The following RHOJ variants were observed in gnomAD, a reference collection of about 807,000 sequenced individuals.
The protein encoded by RHOJ is rho-related GTP-binding protein RhoJ.
In RHOJ, 11 loss-of-function variants were observed where a neutral mutation model predicts 23.4. The observed-to-expected ratio is 0.47, with a 90% CI of 0.30 to 0.78. The LOEUF is 0.78. RHOJ is among the 30% of genes least tolerant of loss of function. RHOJ has a pLI of 0.08. For missense variants in RHOJ, 254 were observed against 273.4 expected (o/e 0.93, Z 0.50); for synonymous variants, 102 against 102.7 (o/e 0.99, Z 0.04).
chr14:63,282,288 A>G (rs144859374), intron 3 of RHOJ, among the ~76,000 whole-genome samples: 7 of 87,096 alleles, frequency 8.0e-5, no homozygotes, highest in African/African-American at 2.3e-4. Flanking sequence ...AAACACATGC[A>G]CACACACACA....
intron 1 of RHOJ, among the ~76,000 whole-genome samples, chr14:63,245,873 G>T (rs1894968121): frequency 6.6e-6 from 1 of 152,178 alleles, no homozygotes; most frequent in Admixed American, 6.5e-5. Context: ...AGAAGGGGGT[G>T]ATTAGAGCCC....
intron 1 of RHOJ, among the ~76,000 whole-genome samples, chr14:63,263,076 C>G (rs952915455): frequency 2.0e-5 from 3 of 152,132 alleles, no homozygotes. Flanking sequence ...GGCATTTTCT[C>G]GTTTAATTTC....
In RHOJ at chr14:63,238,065, G is replaced by A. The variant is rs187943875; in HGVS notation, c.179-31045G>A. Among the ~76,000 whole-genome samples the A allele has an allele frequency of 7.9e-5, 12 of 152,326 alleles. No individual in the cohort carries two copies. In the East Asian group the frequency reaches 2.1e-3, roughly 27 times the overall value. The stretch of plus-strand genomic sequence containing the variant: ...CCCTTGGCCTTGATTTCCACCAGCA[G>A]TAGATCACGGCTTAACATGGCAAAT... On this transcript the variant is annotated intron_variant, in intron 1 of 4. Coordinates refer to ENST00000316754, the MANE Select transcript of RHOJ (RefSeq NM_020663.5).
At chr14:63,212,026 C>G (rs1894248527) in intron 1 of RHOJ, among the ~76,000 whole-genome samples, 1 of 152,194 alleles carries the variant, frequency 6.6e-6, no homozygotes, top group African/African-American at 2.4e-5. Context: ...AGCAGGTATT[C>G]AAGTCAGTAG....
intron 3 of RHOJ, 151 bp from the exon 4 acceptor site, chr14:63,282,970 A>G (rs1881957630): frequency 1.6e-6 from 1 of 611,620 alleles, no homozygotes; most frequent in South Asian, 2.1e-5. Flanking sequence ...ACTTTTTTAG[A>G]CATAACATGG....
At chr14:63,219,317 T>C (rs1010310270) in intron 1 of RHOJ, among the ~76,000 whole-genome samples, 2 of 152,194 alleles carry the variant, frequency 1.3e-5, no homozygotes, top group Admixed American at 1.3e-4. Context: ...ATTTTTCGAC[T>C]TCTTTGAAAA....
intron 1 of RHOJ, among the ~76,000 whole-genome samples, chr14:63,240,793 T>A (rs554569991): frequency 1.1e-4 from 17 of 152,226 alleles, no homozygotes; most frequent in Admixed American, 2.0e-4. Flanking sequence ...ATTTTCCCCA[T>A]GAAATTAGGT....
At chr14:63,205,071 T>C (rs767625746) in intron 1 of RHOJ, 24 bp downstream of exon 1, 1 of 1,604,068 alleles carries the variant, frequency 6.2e-7, no homozygotes, top group South Asian at 1.1e-5. Context: ...GGAAACTCTC[T>C]GCATCCAGAC....
chr14:63,260,270 T>C (rs1275025704), intron 1 of RHOJ, among the ~76,000 whole-genome samples: 1 of 152,232 alleles, frequency 6.6e-6, no homozygotes, highest in Non-Finnish European at 1.5e-5. Flanking sequence ...TGGTTCATCA[T>C]AGTTTTCTGA....
At chr14:63,251,520 G>A (rs1195037330) in intron 1 of RHOJ, among the ~76,000 whole-genome samples, 2 of 152,156 alleles carry the variant, frequency 1.3e-5, no homozygotes, top group Admixed American at 6.5e-5. Flanking sequence ...GCTTCAACAA[G>A]CTCTCTGCAG....
chr14:63,250,965 G>C (rs761148216), intron 1 of RHOJ, among the ~76,000 whole-genome samples: 10 of 152,094 alleles, frequency 6.6e-5, no homozygotes, highest in Non-Finnish European at 1.2e-4. Flanking sequence ...AACCTGAGAG[G>C]GAGTGGCTGC....
At chr14:63,242,948 G>A (rs1040361392) in intron 1 of RHOJ, among the ~76,000 whole-genome samples, 1 of 151,638 alleles carries the variant, frequency 6.6e-6, no homozygotes, top group African/African-American at 2.4e-5. Context: ...GAATTTTACA[G>A]TTCAGATCAA....
intron 1 of RHOJ, among the ~76,000 whole-genome samples, chr14:63,251,696 G>T (rs576604053): frequency 6.6e-6 from 1 of 152,178 alleles, no homozygotes; most frequent in Non-Finnish European, 1.5e-5. Context: ...GGGAAAGGAG[G>T]TCCTCTCTCC....
In RHOJ at chr14:63,204,950, G is replaced by T. The variant is rs1369878949; in HGVS notation, c.81G>T (p.Val27=). The T allele has an allele frequency of 6.2e-7, 1 of 1,614,094 alleles. No homozygotes were observed. Among genetic ancestry groups the T allele is most frequent in the Non-Finnish European group, 8.5e-7 (1 of 1,180,048 alleles). The part of the protein sequence containing the change: ...DEKKMLKCVV[V]GDGAVGKTCL... ...AGAAGATGTTGAAGTGTGTGGTGGT[G>T]GGGGACGGTGCCGTGGGGAAAACCT... The change falls in exon 1 of 5, where the codon GTG becomes GTT. Residue 27 remains valine, a synonymous_variant. Transcript: ENST00000316754.
intron 2 of RHOJ, among the ~76,000 whole-genome samples, chr14:63,270,536 C>T (rs1381183485): frequency 6.6e-6 from 1 of 152,168 alleles, no homozygotes; most frequent in Non-Finnish European, 1.5e-5. Context: ...TCATTTGCCC[C>T]TCTGATCTAA....
intron 1 of RHOJ, among the ~76,000 whole-genome samples, chr14:63,210,495 G>A (rs1172833063): frequency 1.3e-5 from 2 of 152,198 alleles, no homozygotes; most frequent in Non-Finnish European, 2.9e-5. Context: ...ATGAAGGTGG[G>A]AAAAGTCACT....
chr14:63,241,673 G>A (rs1247850278), intron 1 of RHOJ, among the ~76,000 whole-genome samples: 1 of 152,154 alleles, frequency 6.6e-6, no homozygotes, highest in East Asian at 1.9e-4. Flanking sequence ...GTACAGGCTG[G>A]CACCAGAGCC....
At chr14:63,235,987 G>A (rs571647410) in intron 1 of RHOJ, among the ~76,000 whole-genome samples, 2 of 152,298 alleles carry the variant, frequency 1.3e-5, no homozygotes, top group South Asian at 4.1e-4. Context: ...GGAAACACAT[G>A]GAAGAAATTC....
chr14:63,284,975 C>A (rs1463183626), intron 4 of RHOJ, among the ~76,000 whole-genome samples: 1 of 152,220 alleles, frequency 6.6e-6, no homozygotes, highest in African/African-American at 2.4e-5. Context: ...CAGACGGAAT[C>A]ATGTTTAGCT....
Sources: gnomAD v4.1 joint callset for allele counts (sites outside exome capture counted in the v4.1 genomes callset) on GRCh38, gnomAD v4.1.1 for gene constraint, MANE v1.5 for transcripts, NCBI Gene and HGNC (gene_info 2026-07-23, HGNC 2026-07-21) for gene names.